The following SYNE1 variants were observed in gnomAD, a reference collection of about 807,000 sequenced individuals.
SYNE1 encodes the protein nesprin-1.
A neutral mutation model predicts 1,111.0 loss-of-function variants in SYNE1; 616 were observed. The observed-to-expected ratio is 0.55, with a 90% confidence interval of 0.52 to 0.59. The LOEUF is 0.59. Among genes scored for constraint, SYNE1 ranks in the 20% least tolerant of loss-of-function variants. The pLI is 0.00. For missense variants in SYNE1, 10,006 were observed against 10,417.0 expected (o/e 0.96, Z 1.72); for synonymous variants, 3,855 against 3,825.8 (o/e 1.01, Z -0.28).
chr6:152,610,748 G>A (rs769764149), intron 3 of SYNE1, among the ~76,000 whole-genome samples: 2 of 152,156 alleles, frequency 1.3e-5, no homozygotes, highest in Non-Finnish European at 2.9e-5. Context: ...CAGAGAGATA[G>A]GTCGGGTTAC....
chr6:152,462,708 G>A lies in SYNE1; in HGVS notation c.2250+30C>T, dbSNP rs369448940. Reference sequence around the variant, plus strand: ...GATCTTTCCTCTCACAACAGAGTAGGCTTTTCATTTTGATTCAGAAACCCC... The same window carrying A: ...GATCTTTCCTCTCACAACAGAGTAGACTTTTCATTTTGATTCAGAAACCCC... On this transcript the variant is annotated intron_variant, in intron 20 of 145. Transcript: ENST00000367255. The A allele has an allele frequency of 7.5e-5, 121 of 1,613,454 alleles. No homozygotes were observed. In the African/African-American group the frequency reaches 1.5e-3, roughly 19 times the overall value.
chr6:152,542,514 A>G (rs960551539), intron 3 of SYNE1, among the ~76,000 whole-genome samples: 26 of 152,136 alleles, frequency 1.7e-4, no homozygotes, highest in Non-Finnish European at 8.8e-5. Flanking sequence ...GTAATATTAT[A>G]TAAGTATTAA....
At chr6:152,179,649 C>A in intron 129 of SYNE1, among the ~76,000 whole-genome samples, 1 of 81,144 alleles carries the variant, frequency 1.2e-5, no homozygotes, top group Non-Finnish European at 2.4e-5. Context: ...CCTTTTTATG[C>A]AAGTTTATTT....
intron 3 of SYNE1, among the ~76,000 whole-genome samples, chr6:152,611,952 G>A (rs141752355): frequency 0.01 from 1,569 of 151,956 alleles, 24 homozygotes; most frequent in African/African-American, 0.036. Context: ...AAATCAATGA[G>A]AACAAAGACA....
At chr6:152,305,499 G>A (rs2095345564) in intron 91 of SYNE1, among the ~76,000 whole-genome samples, 1 of 152,110 alleles carries the variant, frequency 6.6e-6, no homozygotes, top group Non-Finnish European at 1.5e-5. Flanking sequence ...TCCTGACCTT[G>A]TGATCTGCCC....
chr6:152,129,919 G>A (rs887621990), intron 145 of SYNE1, among the ~76,000 whole-genome samples: 1 of 152,180 alleles, frequency 6.6e-6, no homozygotes, highest in Non-Finnish European at 1.5e-5. Context: ...TTAGAAAGCT[G>A]TCTGGGGAAA....
chr6:152,606,976 C>CTT (rs11387272), intron 3 of SYNE1, among the ~76,000 whole-genome samples: 1,972 of 109,008 alleles, frequency 0.018, 120 homozygotes, highest in African/African-American at 0.029. Flanking sequence ...TGCCTCGGTT[C>CTT]TCTTTTTTTT....
At chr6:152,269,396 C>A in intron 98 of SYNE1, 110 bp from the exon 99 acceptor site, 1 of 1,552,948 alleles carries the variant, frequency 6.4e-7, no homozygotes, top group Non-Finnish European at 8.8e-7. Context: ...AAAGTGGCTC[C>A]ACTGGGATGT....
chr6:152,629,533 G>GA (rs2099693775), intron 2 of SYNE1, among the ~76,000 whole-genome samples: 1 of 117,278 alleles, frequency 8.5e-6, no homozygotes, highest in African/African-American at 3.3e-5. Context: ...GGGGGGGGGG[G>GA]GGGGAGGGGG....
chr6:152,510,471 C>T, intron 7 of SYNE1, 100 bp from the exon 8 acceptor site: 3 of 1,368,008 alleles, frequency 2.2e-6, no homozygotes, highest in East Asian at 2.5e-5. Flanking sequence ...TATGTTAACA[C>T]TCTTGACATT....
At chr6:152,231,334 T>C in intron 114 of SYNE1, 57 bp downstream of exon 114, 1 of 1,588,092 alleles carries the variant, frequency 6.3e-7, no homozygotes, top group Non-Finnish European at 8.6e-7. Flanking sequence ...CCTTACAGAG[T>C]GTGCCTGTTC....
At chr6:152,439,208 A>C (rs2098504464) in intron 32 of SYNE1, among the ~76,000 whole-genome samples, 1 of 152,188 alleles carries the variant, frequency 6.6e-6, no homozygotes, top group African/African-American at 2.4e-5. Context: ...GAATAACAAG[A>C]CTCAAAAGAT....
At chr6:152,533,610 T>C (rs2099216684) in intron 4 of SYNE1, among the ~76,000 whole-genome samples, 1 of 152,068 alleles carries the variant, frequency 6.6e-6, no homozygotes, top group Non-Finnish European at 1.5e-5. Flanking sequence ...AAGTCACCAG[T>C]ACCTTGGCCA....
intron 130 of SYNE1, among the ~76,000 whole-genome samples, chr6:152,175,196 T>C (rs2066124588): frequency 6.6e-6 from 1 of 152,118 alleles, no homozygotes; most frequent in Non-Finnish European, 1.5e-5. Context: ...ATCTCAAATA[T>C]AAATAAATAA....
At chr6:152,593,378 A>G (rs149552427) in intron 3 of SYNE1, among the ~76,000 whole-genome samples, 360 of 152,244 alleles carry the variant, frequency 2.4e-3, no homozygotes, top group African/African-American at 8.2e-3. Flanking sequence ...AGGTCAGTAG[A>G]TTGAGACCAT....
intron 40 of SYNE1, among the ~76,000 whole-genome samples, chr6:152,418,356 C>T (rs374349328): frequency 6.6e-6 from 1 of 152,142 alleles, no homozygotes; most frequent in Non-Finnish European, 1.5e-5. Flanking sequence ...TCACTGAGCA[C>T]CTTCCCCCAA....
At chr6:152,407,235 G>A (rs1364673192) in intron 44 of SYNE1, 39 bp from the exon 45 acceptor site, 1 of 1,600,106 alleles carries the variant, frequency 6.2e-7, no homozygotes, top group Admixed American at 1.7e-5. Context: ...CATAGTCAGA[G>A]GCGTAAGATG....
chr6:152,385,625 T>G (rs1591634347), intron 55 of SYNE1, 49 bp downstream of exon 55: 1 of 1,600,546 alleles, frequency 6.2e-7, no homozygotes, highest in Admixed American at 1.7e-5. Context: ...TCAAAAGTAC[T>G]CAAGAAGGAA....
intron 52 of SYNE1, 75 bp downstream of exon 52, chr6:152,391,201 AC>A: frequency 6.2e-7 from 1 of 1,600,122 alleles, no homozygotes; most frequent in Non-Finnish European, 8.5e-7. Context: ...AACAATTAGG[AC>A]ACAACACAAG....
Sources: allele counts gnomAD v4.1 joint callset (sites outside exome capture counted in the v4.1 genomes callset), GRCh38; gene constraint gnomAD v4.1.1; transcripts MANE v1.5; gene names NCBI Gene and HGNC (gene_info 2026-07-23, HGNC 2026-07-21).